NDUFA7: variants seen among roughly 807,000 people sequenced by gnomAD.
NDUFA7 encodes the protein NADH:ubiquinone oxidoreductase subunit A7, also known as NADH dehydrogenase [ubiquinone] 1 alpha subcomplex subunit 7.
Under a neutral mutation model 14.2 loss-of-function variants are expected in NDUFA7, and 18 were observed. That is an observed-to-expected ratio of 1.27 (90% CI 0.88 to 1.88). The LOEUF is 1.88. Ranked by LOEUF, NDUFA7 falls within the 40% of genes most tolerant of loss-of-function variation. The pLI is 0.00. For synonymous variants in NDUFA7, 75 were observed against 62.1 expected, an observed-to-expected ratio of 1.21 and a Z score of -0.98; for missense variants, 172 against 147.3, an observed-to-expected ratio of 1.17 and a Z score of -0.87.
intron 1 of NDUFA7, 112 bp from the exon 2 acceptor site, chr19:8,321,018 G>T (rs936681740): frequency 9.6e-6 from 12 of 1,243,868 alleles, no homozygotes; most frequent in Non-Finnish European, 1.3e-5. Flanking sequence ...GGAAGGCAGG[G>T]GATGAACACT....
At chr19:8,313,128 T>C (rs1970196820) in intron 3 of NDUFA7, among the ~76,000 whole-genome samples, 1 of 151,596 alleles carries the variant, frequency 6.6e-6, no homozygotes, top group South Asian at 2.1e-4. Flanking sequence ...GGGGTCTCGC[T>C]GTGTTACTCA....
chr19:8,311,573 T>C lies in NDUFA7; in HGVS notation c.274A>G (p.Lys92Glu). The change falls in exon 4 of 4, where the codon AAG (lysine) becomes GAG (glutamate). Residue 92 changes from lysine to glutamate, a missense_variant. Physicochemically the swap from Lys to Glu is moderately conservative, Grantham distance 56. Transcript: ENST00000301457. ...GGAGGAGCTGGAGTCACCGCCTTCT[T>C]CTCAGTGGCAGCTACAGCAGAGCTG... is the stretch of plus-strand genomic sequence containing the variant. ...AESSAVAATE[K>E]KAVTPAPPIK... 6.2e-7 allele frequency: 1 copy of C among 1,612,072 alleles called. No individual in the cohort carries two copies. Among genetic ancestry groups the C allele is most frequent in the East Asian group, 2.2e-5 (1 of 44,760 alleles).
intron 1 of NDUFA7, 84 bp downstream of exon 1, chr19:8,321,224 A>G: frequency 7.1e-7 from 1 of 1,407,772 alleles, no homozygotes; most frequent in South Asian, 1.3e-5. Context: ...GTCCCGGCTT[A>G]GGAGGGAGGT....
At chr19:8,316,712 C>A in intron 2 of NDUFA7, 67 bp from the exon 3 acceptor site, 3 of 1,018,812 alleles carry the variant, frequency 2.9e-6, no homozygotes, top group South Asian at 1.6e-5. Flanking sequence ...CTGTGGGCCC[C>A]TGTCACCTCA....
At chr19:8,321,202 G>A in intron 1 of NDUFA7, 106 bp downstream of exon 1, 1 of 1,329,876 alleles carries the variant, frequency 7.5e-7, no homozygotes, top group Non-Finnish European at 1.0e-6. Flanking sequence ...GGAGATTCGG[G>A]GAGAGCGAAG....
At chr19:8,320,077 AACTCCTGAC>A in intron 2 of NDUFA7, among the ~76,000 whole-genome samples, 1 of 151,992 alleles carries the variant, frequency 6.6e-6, no homozygotes, top group Non-Finnish European at 1.5e-5. Flanking sequence ...GCTGGTCTCA[AACTCCTGAC>A]CTCGTGATCC....
rs748007842 is a variant in NDUFA7, at chr19:8,320,861, T to G, written c.97A>C (p.Lys33Gln). 6.2e-7 allele frequency: 1 copy of G among 1,613,700 alleles called. No homozygotes were observed. The highest frequency in any genetic ancestry group is 8.5e-7 in the Non-Finnish European group (1 of 1,179,998). ...CAGCGAGCGGGGCCTGCTCACCGCT[T>G]GGAGATCTCCTGGTAGCGTAGCTGC... is the stretch of plus-strand genomic sequence containing the variant. ...KLQLRYQEIS[K>Q]RTQPPPKLPV... The change falls in exon 2 of 4, where the codon AAG becomes CAG. Residue 33 changes from lysine (K) to glutamine (Q), a missense_variant. Lys to Gln is a moderately conservative substitution (Grantham distance 53). Transcript: ENST00000301457.
Position 8,316,623 on chromosome 19 carries a change from G to A in NDUFA7, c.124C>T (p.Pro42Ser). 1 of 1,614,122 alleles carries A rather than the reference G, an allele frequency of 6.2e-7. No individual in the cohort carries two copies. The highest frequency in any genetic ancestry group is 8.5e-7 in the Non-Finnish European group (1 of 1,179,998). Reference sequence around the variant, plus strand: ...GAGAGCTTGTGGCTAGGACCCACAGGGAGCTTGGGAGGAGGCTGAGTTCTG... The same window carrying A: ...GAGAGCTTGTGGCTAGGACCCACAGAGAGCTTGGGAGGAGGCTGAGTTCTG... ...SKRTQPPPKL[P>S]VGPSHKLSNN... Residue 42 changes from proline (P) to serine (S), a missense_variant, in exon 3 of 4, where the codon CCT becomes TCT. Transcript: ENST00000301457.
At chr19:8,320,706 G>A (rs1226747449) in intron 2 of NDUFA7, 151 bp downstream of exon 2, 2 of 954,058 alleles carry the variant, frequency 2.1e-6, no homozygotes, top group African/African-American at 1.6e-5. Context: ...AGTTCAGCAA[G>A]GTTAAAGGCA....
chr19:8,308,671 T>G (rs1321999153), downstream of NDUFA7: 1 of 283,816 alleles, frequency 3.5e-6, no homozygotes, highest in Non-Finnish European at 6.6e-6. Flanking sequence ...ATCCCACTGC[T>G]TTTGTGGCGC....
At chr19:8,314,506 T>C (rs1052579847) in intron 3 of NDUFA7, among the ~76,000 whole-genome samples, 7 of 151,112 alleles carry the variant, frequency 4.6e-5, no homozygotes, top group Non-Finnish European at 1.0e-4. Flanking sequence ...TGACTCTCAC[T>C]TGTAGTCCCA....
intron 3 of NDUFA7, among the ~76,000 whole-genome samples, chr19:8,313,510 G>C (rs1202683178): frequency 6.6e-6 from 1 of 152,370 alleles, no homozygotes; most frequent in South Asian, 2.1e-4. Flanking sequence ...GATTACAGGC[G>C]TGAGCCACCG....
intron 2 of NDUFA7, 92 bp from the exon 3 acceptor site, chr19:8,316,737 G>T: frequency 6.8e-7 from 1 of 1,479,216 alleles, no homozygotes; most frequent in Non-Finnish European, 9.3e-7. Flanking sequence ...CAAAATGTGG[G>T]ATCTACAGCC....
rs1970306892 is a variant in NDUFA7 at position 8,321,315 on chromosome 19, G to A, written c.44C>T (p.Ala15Val). 2 of 1,575,900 alleles carry A rather than the reference G, an allele frequency of 1.3e-6. No homozygotes were observed. The highest frequency in any genetic ancestry group is 1.7e-6 in the Non-Finnish European group (2 of 1,164,138). Reference protein sequence around the residue: ...TRLIQRLRNWASGHDLQGKLQ... With the variant: ...TRLIQRLRNWVSGHDLQGKLQ... Reference sequence around the variant, plus strand: ...CCTGTCCGCCCCGCGCACCCCGGACGCCCAGTTCCGCAGCCGCTGGATGAG... The same window carrying A: ...CCTGTCCGCCCCGCGCACCCCGGACACCCAGTTCCGCAGCCGCTGGATGAG... The change falls in exon 1 of 4, where the codon GCG becomes GTG. Residue 15 changes from alanine to valine, a missense_variant. Physicochemically the swap from Ala to Val is moderately conservative, Grantham distance 64 (BLOSUM62 0). Transcript: ENST00000301457.
intron 2 of NDUFA7, among the ~76,000 whole-genome samples, chr19:8,318,577 G>T (rs780554952): frequency 6.8e-6 from 1 of 146,368 alleles, no homozygotes; most frequent in African/African-American, 2.5e-5. Context: ...GGACCAGGAG[G>T]ATCACTTAGG....
At chr19:8,316,703 T>C (rs1207005168) in intron 2 of NDUFA7, 58 bp from the exon 3 acceptor site, 2 of 1,576,380 alleles carry the variant, frequency 1.3e-6, no homozygotes, top group Non-Finnish European at 1.7e-6. Flanking sequence ...ATGGCCCCGC[T>C]GTGGGCCCCT....
In NDUFA7 at chr19:8,316,622, G is replaced by T. The variant is rs774530389; in HGVS notation, c.125C>A (p.Pro42His). The T allele has an allele frequency of 1.1e-5, 17 of 1,614,026 alleles. No homozygotes were observed. Among genetic ancestry groups the T allele is most frequent in the Non-Finnish European group, 1.4e-5 (16 of 1,180,010 alleles). ...GGAGAGCTTGTGGCTAGGACCCACA[G>T]GGAGCTTGGGAGGAGGCTGAGTTCT... ...SKRTQPPPKLPVGPSHKLSNN... is the reference protein window; with the variant it reads ...SKRTQPPPKLHVGPSHKLSNN... The change falls in exon 3 of 4, where the codon CCT becomes CAT. Residue 42 changes from proline to histidine, a missense_variant. Coordinates refer to ENST00000301457, the MANE Select transcript of NDUFA7 (RefSeq NM_005001.5).
intron 3 of NDUFA7, among the ~76,000 whole-genome samples, chr19:8,315,246 C>T (rs1025417926): frequency 2.0e-5 from 3 of 152,140 alleles, no homozygotes; most frequent in South Asian, 2.1e-4. Context: ...AAGACCTGAC[C>T]GTCCCCCAGC....
intron 3 of NDUFA7, among the ~76,000 whole-genome samples, chr19:8,313,076 C>T (rs543262524): frequency 6.6e-6 from 1 of 152,130 alleles, no homozygotes; most frequent in East Asian, 1.9e-4. Context: ...GGATTACAGG[C>T]GTGAGCTACC....
Sources: gnomAD v4.1 joint callset for allele counts (sites outside exome capture counted in the v4.1 genomes callset) on GRCh38, gnomAD v4.1.1 for gene constraint, MANE v1.5 for transcripts, NCBI Gene and HGNC (gene_info 2026-07-23, HGNC 2026-07-21) for gene names.